TMEM120B: variants seen among roughly 807,000 people sequenced by gnomAD.
TMEM120B encodes the protein transmembrane protein 120B.
A neutral mutation model predicts 55.5 loss-of-function variants in TMEM120B; 31 were observed. The ratio of observed to expected loss-of-function variants is 0.56; its 90% CI spans 0.42 to 0.75. TMEM120B has a LOEUF of 0.75. Ranked by LOEUF, TMEM120B falls within the 30% of genes least tolerant of loss-of-function variation. TMEM120B has a pLI of 0.00. For synonymous variants in TMEM120B, 203 were observed against 176.3 expected, an observed-to-expected ratio of 1.15 and a Z score of -1.20; for missense variants, 399 against 425.5, an observed-to-expected ratio of 0.94 and a Z score of 0.55.
chr12:121,744,307 A>G (rs1873020105), intron 2 of TMEM120B, among the ~76,000 whole-genome samples: 1 of 152,154 alleles, frequency 6.6e-6, no homozygotes, highest in Non-Finnish European at 1.5e-5. Flanking sequence ...CCATTTGTGA[A>G]CCAATCACTG....
In TMEM120B at chr12:121,777,535, C is replaced by G. The variant is rs11611138; in HGVS notation, c.*1813C>G. ...ACATTCCCGTGGCACAGGACGCCTA[C>G]TCTCCAGTTGCCACAGGCCCTGCCA... On this transcript the variant is annotated 3_prime_UTR_variant, in exon 12 of 12. Coordinates refer to ENST00000449592, the MANE Select transcript of TMEM120B (RefSeq NM_001080825.2). 0.022 allele frequency: 3,302 copies of G among 152,368 alleles called. 57 individuals are homozygous for G. Among genetic ancestry groups the G allele is most frequent in the Non-Finnish European group, 0.033 (2,261 of 68,054 alleles). 9.4% of individuals were successfully genotyped at this position (152,368 alleles called of 1,614,324 possible).
At chr12:121,751,643 TCCCTCCCTC>T (rs1001766780) in intron 4 of TMEM120B, among the ~76,000 whole-genome samples, 12 of 150,282 alleles carry the variant, frequency 8.0e-5, no homozygotes, top group East Asian at 2.0e-4. Context: ...TTCCCTTCCT[TCCCTCCCTC>T]CCCTCCCTCC....
intron 6 of TMEM120B, among the ~76,000 whole-genome samples, chr12:121,764,206 T>G (rs1428901375): frequency 6.6e-6 from 1 of 150,410 alleles, no homozygotes; most frequent in African/African-American, 2.5e-5. Flanking sequence ...TGTGTGCCTG[T>G]AGTCCCAGCT....
At chr12:121,774,603 C>G (rs889339109) in intron 9 of TMEM120B, 55 bp from the exon 10 acceptor site, 1 of 1,568,060 alleles carries the variant, frequency 6.4e-7, no homozygotes, top group African/African-American at 1.4e-5. Context: ...TCTGGTGGAG[C>G]TGTGGGGGCA....
intron 8 of TMEM120B, among the ~76,000 whole-genome samples, chr12:121,772,424 C>CTGGCT (rs1874096327): frequency 6.6e-6 from 1 of 150,918 alleles, no homozygotes. Flanking sequence ...GCCACCACGC[C>CTGGCT]GTACCGTTTC....
intron 3 of TMEM120B, among the ~76,000 whole-genome samples, chr12:121,749,992 CT>C (rs1299088461): frequency 4.0e-5 from 6 of 150,858 alleles, no homozygotes; most frequent in African/African-American, 1.5e-4. Context: ...GACCCTGTCT[CT>C]AAAAATAATA....
At chr12:121,759,841 A>T (rs12827648) in intron 5 of TMEM120B, among the ~76,000 whole-genome samples, 2 of 151,934 alleles carry the variant, frequency 1.3e-5, no homozygotes, top group African/African-American at 2.4e-5. Context: ...TACTAAAAAT[A>T]CAAAAATCAG....
chr12:121,717,935 C>G (rs996710769), intron 1 of TMEM120B, among the ~76,000 whole-genome samples: 5 of 152,172 alleles, frequency 3.3e-5, no homozygotes, highest in African/African-American at 1.2e-4. Context: ...GGATTACAAG[C>G]GTGAGCTACC....
At chr12:121,721,298 C>T (rs1009758107) in intron 1 of TMEM120B, among the ~76,000 whole-genome samples, 1 of 151,910 alleles carries the variant, frequency 6.6e-6, no homozygotes, top group African/African-American at 2.4e-5. Context: ...CCCTCTTCAG[C>T]CTCCTGAGTA....
chr12:121,716,247 G>A (rs947142079), intron 1 of TMEM120B, among the ~76,000 whole-genome samples: 3 of 151,038 alleles, frequency 2.0e-5, no homozygotes, highest in Non-Finnish European at 4.4e-5. Flanking sequence ...GGTCAAGGCT[G>A]CAGTGAGCCA....
intron 1 of TMEM120B, among the ~76,000 whole-genome samples, chr12:121,739,668 C>T (rs1468290957): frequency 1.3e-5 from 2 of 151,812 alleles, no homozygotes; most frequent in East Asian, 1.9e-4. Context: ...AGACGGGTTT[C>T]ACCATGTTGA....
chr12:121,758,418 C>A (rs534854838), intron 5 of TMEM120B: 1 of 979,034 alleles, frequency 1.0e-6, no homozygotes, highest in African/African-American at 1.8e-5. Context: ...TGGAGGAGGA[C>A]GGCCCAGCCC....
Position 121,779,741 on chromosome 12 carries a change from C to G in TMEM120B, c.*4019C>G. 6.8e-7 allele frequency: 1 copy of G among 1,460,950 alleles called. No homozygotes were observed. The highest frequency in any genetic ancestry group is 2.3e-5 in the East Asian group (1 of 43,864). The allele number at this position is 1,460,950 out of a possible 1,614,324, so 90.5% of individuals were successfully genotyped here. ...CACCACCTGGTGGGTTTGGGACTGG[C>G]TCTGAGGACTCTGCAGGGATGGAGG... On this transcript the variant is annotated 3_prime_UTR_variant, in exon 12 of 12. Transcript: ENST00000449592.
chr12:121,715,678 G>C (rs933085455), intron 1 of TMEM120B, among the ~76,000 whole-genome samples: 32 of 152,180 alleles, frequency 2.1e-4, no homozygotes, highest in Non-Finnish European at 4.0e-4. Flanking sequence ...TCACCTGCTG[G>C]GTCAGGGGCC....
chr12:121,742,149 T>C (rs1036637433), intron 1 of TMEM120B, among the ~76,000 whole-genome samples: 10 of 152,052 alleles, frequency 6.6e-5, no homozygotes, highest in African/African-American at 2.4e-4. Context: ...ACTACAGGCA[T>C]ACGCCACCAT....
In TMEM120B at chr12:121,770,908, A is replaced by T; in HGVS notation, c.553A>T (p.Ile185Phe). 1 of 1,614,028 alleles carries T rather than the reference A, an allele frequency of 6.2e-7. No homozygotes were observed. The highest frequency in any genetic ancestry group is 8.5e-7 in the Non-Finnish European group (1 of 1,179,982). ...TTTCCGTTCTCTCCCTCTCCCGAGAATTAAAGGCTGGTGGGTGTCTCACCA... is the reference window on the plus strand; with the variant it reads ...TTTCCGTTCTCTCCCTCTCCCGAGATTTAAAGGCTGGTGGGTGTCTCACCA... ...ESILISNGSR[I>F]KGWWVSHHYV... Residue 185 changes from isoleucine to phenylalanine, a missense_variant and splice_region_variant, in exon 7 of 12, where the codon ATT becomes TTT. Physicochemically the swap from Ile to Phe is conservative, Grantham distance 21 (BLOSUM62 0). Around this residue, in one of 3 missense-constraint regions of TMEM120B, gnomAD observed 260 missense variants for 303.9 expected, o/e 0.86. Coordinates refer to ENST00000449592, the MANE Select transcript of TMEM120B (RefSeq NM_001080825.2).
chr12:121,749,597 G>A (rs190756608), intron 3 of TMEM120B, among the ~76,000 whole-genome samples: 32 of 152,188 alleles, frequency 2.1e-4, no homozygotes, highest in Admixed American at 3.9e-4. Flanking sequence ...AGGACTACTT[G>A]AGCCTAGAGG....
At chr12:121,754,012 C>T (rs1873408950) in intron 5 of TMEM120B, among the ~76,000 whole-genome samples, 2 of 152,030 alleles carry the variant, frequency 1.3e-5, no homozygotes, top group African/African-American at 4.8e-5. Flanking sequence ...CTTTCTCTGG[C>T]CCTGGGTTCT....
intron 5 of TMEM120B, among the ~76,000 whole-genome samples, chr12:121,754,961 G>T (rs554238824): frequency 6.6e-6 from 1 of 152,280 alleles, no homozygotes; most frequent in African/African-American, 2.4e-5. Flanking sequence ...CAGATACAGT[G>T]AGCGTGACAG....
Sources: allele counts gnomAD v4.1 joint callset (sites outside exome capture counted in the v4.1 genomes callset), GRCh38; gene constraint gnomAD v4.1.1; regional missense constraint gnomAD v4.1.1; transcripts MANE v1.5; gene names NCBI Gene and HGNC (gene_info 2026-07-23, HGNC 2026-07-21).